The following NF1 variants were observed in gnomAD, a reference collection of about 807,000 sequenced individuals.
NF1 encodes the protein neurofibromin.
A neutral mutation model predicts 325.7 loss-of-function variants in NF1; 122 were observed. That is an observed-to-expected ratio of 0.37 (90% CI 0.32 to 0.44). NF1 has a LOEUF of 0.44. Among genes scored for constraint, NF1 ranks in the 20% least tolerant of loss-of-function variants. NF1 has a pLI of 1.00. For missense variants in NF1, 2,140 were observed against 3,415.4 expected (o/e 0.63, Z 9.31); for synonymous variants, 1,091 against 1,186.0 (o/e 0.92, Z 1.65).
chr17:31,109,031 C>G (rs1176121752), intron 1 of NF1, among the ~76,000 whole-genome samples: 1 of 152,220 alleles, frequency 6.6e-6, no homozygotes, highest in African/African-American at 2.4e-5. Context: ...AATGCTGCTT[C>G]CCTGTATAAG....
chr17:31,319,257 A>C (rs2069114833), intron 36 of NF1, among the ~76,000 whole-genome samples: 1 of 152,176 alleles, frequency 6.6e-6, no homozygotes, highest in Admixed American at 6.5e-5. Context: ...ATTACAAATA[A>C]ATATTAATCA....
intron 36 of NF1, among the ~76,000 whole-genome samples, chr17:31,312,252 G>A (rs2068895455): frequency 6.6e-6 from 1 of 152,062 alleles, no homozygotes; most frequent in Non-Finnish European, 1.5e-5. Context: ...GTTCCTGCCT[G>A]TAATCCCAGC....
At chr17:31,245,657 G>A (rs1393512679) in intron 29 of NF1, among the ~76,000 whole-genome samples, 1 of 152,098 alleles carries the variant, frequency 6.6e-6, no homozygotes, top group Non-Finnish European at 1.5e-5. Context: ...TGGAAAAGAT[G>A]CACATAGGGC....
chr17:31,097,097 A>AT (rs977065704), intron 1 of NF1, among the ~76,000 whole-genome samples: 3 of 152,116 alleles, frequency 2.0e-5, no homozygotes, highest in East Asian at 1.9e-4. Flanking sequence ...TCTTAATTTT[A>AT]TTTTTTTACT....
chr17:31,357,265 G>T lies in NF1; in HGVS notation c.7870-4G>T, dbSNP rs1400960047. 1.9e-6 allele frequency: 3 copies of T among 1,613,240 alleles called. No homozygotes were observed. The highest frequency in any genetic ancestry group is 2.2e-5 in the South Asian group (2 of 91,074). On this transcript the variant is annotated splice_region_variant and splice_polypyrimidine_tract_variant and intron_variant, in intron 53 of 57. Coordinates refer to ENST00000358273, the MANE Select transcript of NF1 (RefSeq NM_001042492.3). ...TGTGTGTTTACTTTTTTGCATCTTG[G>T]CAGGCTACACTGGTAAAATATACCA... is the stretch of plus-strand genomic sequence containing the variant.
rs35947890 is a variant in NF1 at position 31,128,926 on chromosome 17, CA to C, written c.61-27044del. On this transcript the variant is annotated intron_variant, in intron 1 of 57. Transcript: ENST00000358273. ...GGGTGACAAGAGTGAGACTCCGTCT[CA>C]AAAAAAAAAAAAGGAATGTTGAATA... 7.9e-3 allele frequency among the ~76,000 whole-genome samples: 1,104 copies of C among 140,450 alleles called. 18 individuals carry two copies. Among genetic ancestry groups the C allele is most frequent in the African/African-American group, 0.028 (1,007 of 36,488 alleles). 92.1% of individuals were successfully genotyped at this position (140,450 alleles called of 152,430 possible).
At chr17:31,313,141 G>A (rs7217033) in intron 36 of NF1, among the ~76,000 whole-genome samples, 3,915 of 152,080 alleles carry the variant, frequency 0.026, 190 homozygotes, top group African/African-American at 0.089. Flanking sequence ...AATAATAATA[G>A]TCAAATACCA....
rs527320617 is a variant in NF1, at chr17:31,235,595, T to A, written c.3709-16T>A. 2.5e-6 allele frequency: 4 copies of A among 1,613,746 alleles called. No individual in the cohort carries two copies. Among genetic ancestry groups the A allele is most frequent in the Non-Finnish European group, 3.4e-6 (4 of 1,179,952 alleles). On this transcript the variant is annotated splice_polypyrimidine_tract_variant and intron_variant, in intron 27 of 57. Coordinates refer to ENST00000358273, the MANE Select transcript of NF1 (RefSeq NM_001042492.3). ...ATGGGATTGTTTGCACTAACCTGAT[T>A]TTGTTTTGTTCTCAGGATGAACTAG...
intron 36 of NF1, chr17:31,295,744 A>G (rs1311813991): frequency 1.2e-6 from 2 of 1,614,156 alleles, no homozygotes; most frequent in Admixed American, 3.3e-5. Flanking sequence ...TGTGCAGGTA[A>G]AGATGTGTGA....
At chr17:31,208,285 T>C (rs1054075520) in intron 12 of NF1, among the ~76,000 whole-genome samples, 66 of 152,230 alleles carry the variant, frequency 4.3e-4, no homozygotes, top group Admixed American at 1.5e-3. Flanking sequence ...TGTATGTATA[T>C]TTGTACATAA....
chr17:31,292,090 T>C (rs1037517473), intron 36 of NF1, among the ~76,000 whole-genome samples: 1 of 152,192 alleles, frequency 6.6e-6, no homozygotes, highest in Non-Finnish European at 1.5e-5. Flanking sequence ...GCCCATTTTA[T>C]AGATGAGGAA....
At chr17:31,344,053 G>A (rs1287417035) in intron 48 of NF1, among the ~76,000 whole-genome samples, 1 of 151,864 alleles carries the variant, frequency 6.6e-6, no homozygotes, top group African/African-American at 2.4e-5. Flanking sequence ...GTATCTTACT[G>A]ATTTTCAAAA....
intron 36 of NF1, among the ~76,000 whole-genome samples, chr17:31,287,942 G>T (rs1459458185): frequency 9.4e-6 from 1 of 106,458 alleles, no homozygotes; most frequent in East Asian, 3.3e-4. Flanking sequence ...GGGGTGGGGG[G>T]AGGGGGGAGG....
intron 29 of NF1, among the ~76,000 whole-genome samples, chr17:31,242,534 T>C (rs1567855552): frequency 6.6e-6 from 1 of 152,134 alleles, no homozygotes; most frequent in African/African-American, 2.4e-5. Context: ...CCTTCAAGCT[T>C]GCTAATTCTT....
chr17:31,280,210 A>T (rs12103563), intron 36 of NF1, among the ~76,000 whole-genome samples: 62,779 of 147,574 alleles, frequency 0.43, 14,766 homozygotes, highest in African/African-American at 0.66. Context: ...TTTTTTTTTA[A>T]TTTTTTTTTT....
chr17:31,341,617 G>A (rs7503019), intron 47 of NF1, among the ~76,000 whole-genome samples: 1,689 of 148,362 alleles, frequency 0.011, 39 homozygotes, highest in African/African-American at 0.039. Flanking sequence ...GTGTGTGTGT[G>A]TGTACACACA....
At chr17:31,283,554 A>G (rs1489929354) in intron 36 of NF1, among the ~76,000 whole-genome samples, 1 of 152,110 alleles carries the variant, frequency 6.6e-6, no homozygotes, top group African/African-American at 2.4e-5. Flanking sequence ...CCCTGGGCTC[A>G]AGTGATCCTT....
intron 1 of NF1, among the ~76,000 whole-genome samples, chr17:31,116,393 G>A (rs1321322745): frequency 2.0e-5 from 3 of 152,076 alleles, no homozygotes; most frequent in Non-Finnish European, 4.4e-5. Flanking sequence ...AAAATTGTGC[G>A]TGGTGGTGTG....
intron 39 of NF1, among the ~76,000 whole-genome samples, chr17:31,333,248 A>G (rs890306665): frequency 2.0e-5 from 3 of 152,234 alleles, no homozygotes; most frequent in Admixed American, 6.5e-5. Flanking sequence ...CCTTAAGACT[A>G]TTCATACCTT....
Sources: gnomAD v4.1 joint callset for allele counts (sites outside exome capture counted in the v4.1 genomes callset) on GRCh38, gnomAD v4.1.1 for gene constraint, MANE v1.5 for transcripts, NCBI Gene and HGNC (gene_info 2026-07-23, HGNC 2026-07-21) for gene names.